Variants in CCL28 observed in about 807,000 individuals in gnomAD.
The protein encoded by CCL28 is C-C motif chemokine ligand 28.
Under a neutral mutation model 7.1 loss-of-function variants are expected in CCL28, and 4 were observed. That is an observed-to-expected ratio of 0.56 (90% confidence interval 0.28 to 1.29). The LOEUF (loss-of-function observed/expected upper bound fraction) is 1.29, where lower values mean the gene tolerates loss of function less well. CCL28 is among the 50% of genes most tolerant of loss of function. CCL28 has a pLI of 0.11. For missense variants in CCL28, 151 were observed against 163.4 expected (o/e 0.92, Z 0.41); for synonymous variants, 55 against 57.8 (o/e 0.95, Z 0.22).
chr5:43,390,525 T>C (rs1216525290), intron 1 of CCL28, among the ~76,000 whole-genome samples: 1 of 152,206 alleles, frequency 6.6e-6, no homozygotes, highest in Non-Finnish European at 1.5e-5. Flanking sequence ...ATCTGGGAAT[T>C]TCTCTGAAAA....
At chr5:43,378,691 G>A (rs960920373), downstream of CCL28, among the ~76,000 whole-genome samples, 1 of 152,142 alleles carries the variant, frequency 6.6e-6, no homozygotes, top group African/African-American at 2.4e-5. Flanking sequence ...GGCCGGGCGC[G>A]GTGGCTCACG....
intron 1 of CCL28, among the ~76,000 whole-genome samples, chr5:43,408,062 A>T (rs779857): frequency 6.6e-6 from 1 of 152,350 alleles, no homozygotes; most frequent in African/African-American, 2.4e-5. Flanking sequence ...CTAGTTCAAC[A>T]ATTGTGGAAG....
downstream of CCL28, among the ~76,000 whole-genome samples, chr5:43,373,851 G>A (rs1455069686): frequency 6.6e-6 from 1 of 152,162 alleles, no homozygotes; most frequent in Non-Finnish European, 1.5e-5. Flanking sequence ...GTGCAAAGAA[G>A]GTTTTTTAAC....
At chr5:43,377,978 C>T (rs915465525), downstream of CCL28, among the ~76,000 whole-genome samples, 4 of 132,614 alleles carry the variant, frequency 3.0e-5, no homozygotes, top group Non-Finnish European at 6.1e-5. Context: ...GTGATCCGCC[C>T]GCCTCGGCCT....
At chr5:43,373,028 T>C (rs997958564), downstream of CCL28, among the ~76,000 whole-genome samples, 9 of 151,874 alleles carry the variant, frequency 5.9e-5, no homozygotes, top group African/African-American at 2.2e-4. Context: ...CTTAAACTCC[T>C]GACCTCAGGT....
At chr5:43,367,380 C>A in the CCL28 span, among the ~76,000 whole-genome samples, 1 of 152,224 alleles carries the variant, frequency 6.6e-6, no homozygotes, top group East Asian at 1.9e-4. Context: ...CCAAGGGAAT[C>A]TCTTGGTCTG....
At chr5:43,370,240 G>T in the CCL28 span, among the ~76,000 whole-genome samples, 1 of 152,182 alleles carries the variant, frequency 6.6e-6, no homozygotes, top group Non-Finnish European at 1.5e-5. Context: ...GAGTTAGACG[G>T]CAATATATAA....
At chr5:43,369,665 C>A in the CCL28 span, among the ~76,000 whole-genome samples, 1 of 152,118 alleles carries the variant, frequency 6.6e-6, no homozygotes, top group African/African-American at 2.4e-5. Context: ...CTCAAGTGAT[C>A]CACCCACCTT....
rs1386015899 is a variant in CCL28 at position 43,412,352 on chromosome 5, G to A, written c.-36C>T. 7.5e-6 allele frequency: 12 copies of A among 1,593,288 alleles called. No homozygotes were observed. In the African/African-American group the frequency reaches 1.2e-4, roughly 16 times the overall value. ...CCTACTGGCACTGACAGCAACACAA[G>A]TGAGGCTGTTCGATCAGGAAATGAG... On this transcript the variant is annotated 5_prime_UTR_variant, in exon 1 of 3. Transcript: ENST00000361115.
chr5:43,393,113 A>G (rs895087278), intron 1 of CCL28, among the ~76,000 whole-genome samples: 5 of 152,206 alleles, frequency 3.3e-5, no homozygotes, highest in Admixed American at 3.3e-4. Flanking sequence ...CTATAGTGGT[A>G]AATGAAATTT....
intron 2 of CCL28, among the ~76,000 whole-genome samples, chr5:43,383,242 T>C (rs920458343): frequency 6.6e-6 from 1 of 152,182 alleles, no homozygotes; most frequent in Non-Finnish European, 1.5e-5. Context: ...AATTTCCTCA[T>C]GAGGGGTCAT....
chr5:43,378,388 T>G (rs1260559066), downstream of CCL28, among the ~76,000 whole-genome samples: 1 of 152,012 alleles, frequency 6.6e-6, no homozygotes, highest in Non-Finnish European at 1.5e-5. Context: ...CAAGGATAGG[T>G]CTAGGAGTAG....
At chr5:43,375,192 T>A (rs994639197), downstream of CCL28, among the ~76,000 whole-genome samples, 1 of 151,380 alleles carries the variant, frequency 6.6e-6, no homozygotes, top group Non-Finnish European at 1.5e-5. Context: ...TGTTTCACCA[T>A]GTTGTCCAGG....
downstream of CCL28, among the ~76,000 whole-genome samples, chr5:43,374,572 G>C (rs186147016): frequency 6.0e-3 from 912 of 152,230 alleles, 9 homozygotes; most frequent in Non-Finnish European, 8.9e-3. Context: ...CACGAGGTCA[G>C]AAGTTCAAGA....
At chr5:43,373,320 A>T (rs114897715), downstream of CCL28, among the ~76,000 whole-genome samples, 983 of 151,922 alleles carry the variant, frequency 6.5e-3, 11 homozygotes, top group African/African-American at 0.023. Flanking sequence ...TGTGTGTGTG[A>T]GATGACGTCT....
At chr5:43,357,690 A>G in the CCL28 span, among the ~76,000 whole-genome samples, 67 of 150,222 alleles carry the variant, frequency 4.5e-4, no homozygotes, top group African/African-American at 1.4e-3. Flanking sequence ...AAAGGGGGGG[A>G]AAAAAAAGGG....
intron 1 of CCL28, among the ~76,000 whole-genome samples, chr5:43,406,304 C>A (rs1483996450): frequency 6.6e-6 from 1 of 152,090 alleles, no homozygotes; most frequent in African/African-American, 2.4e-5. Flanking sequence ...CCACCATGAT[C>A]AAGTGGGCTT....
At chr5:43,368,769 G>A in the CCL28 span, among the ~76,000 whole-genome samples, 1 of 152,246 alleles carries the variant, frequency 6.6e-6, no homozygotes, top group East Asian at 1.9e-4. Context: ...GACACTGGGA[G>A]AAGCTGGCCA....
At chr5:43,360,094 T>C in the CCL28 span, among the ~76,000 whole-genome samples, 2 of 152,126 alleles carry the variant, frequency 1.3e-5, no homozygotes, top group Non-Finnish European at 1.5e-5. Flanking sequence ...AATAATGCTG[T>C]CTCAGTGAAC....
Sources: gnomAD v4.1 joint callset for allele counts (sites outside exome capture counted in the v4.1 genomes callset) on GRCh38, gnomAD v4.1.1 for gene constraint, MANE v1.5 for transcripts, NCBI Gene and HGNC (gene_info 2026-07-23, HGNC 2026-07-21) for gene names.